Variants in USP28 observed in about 807,000 individuals in gnomAD.
USP28 encodes ubiquitin specific peptidase 28, also known as ubiquitin carboxyl-terminal hydrolase 28.
In USP28, 113 loss-of-function variants were observed where a neutral mutation model predicts 145.0. The ratio of observed to expected loss-of-function variants is 0.78; its 90% CI spans 0.67 to 0.91. The LOEUF (loss-of-function observed/expected upper bound fraction) is 0.91, where lower values mean the gene tolerates loss of function less well. Among genes scored for constraint, USP28 ranks in the 40% least tolerant of loss-of-function variants. USP28 has a pLI of 0.00. For synonymous variants in USP28, 447 were observed against 450.9 expected (o/e 0.99, Z 0.11); for missense variants, 1,201 against 1,289.6 (o/e 0.93, Z 1.05).
At chr11:113,818,006 C>T (rs1942011479) in intron 12 of USP28, 169 bp from the exon 13 acceptor site, 5 of 564,426 alleles carry the variant, frequency 8.9e-6, no homozygotes, top group Non-Finnish European at 1.4e-5. Context: ...AATTCTCTAA[C>T]TACAAAACTA....
At chr11:113,813,801 G>C in intron 15 of USP28, 84 bp downstream of exon 15, 2 of 1,062,574 alleles carry the variant, frequency 1.9e-6, no homozygotes, top group Non-Finnish European at 2.9e-6. Context: ...TTCCCATTGG[G>C]TTTAAAAGAA....
intron 12 of USP28, among the ~76,000 whole-genome samples, chr11:113,818,692 T>C (rs1161594613): frequency 6.6e-6 from 1 of 151,794 alleles, no homozygotes; most frequent in Non-Finnish European, 1.5e-5. Flanking sequence ...AAACCCTGTC[T>C]CCACAAAAAA....
At chr11:113,803,343 C>T in intron 22 of USP28, 62 bp from the exon 24 acceptor site, 1 of 1,493,352 alleles carries the variant, frequency 6.7e-7, no homozygotes. Context: ...AGGGCTTAGA[C>T]CTCACTTTTC....
chr11:113,863,507 T>G (rs1947922224), intron 1 of USP28, among the ~76,000 whole-genome samples: 1 of 151,690 alleles, frequency 6.6e-6, no homozygotes, highest in Non-Finnish European at 1.5e-5. Context: ...TAGTCGGGTG[T>G]GGTGGCGCGT....
chr11:113,811,442 C>T (rs1940965801), intron 16 of USP28, among the ~76,000 whole-genome samples: 1 of 152,216 alleles, frequency 6.6e-6, no homozygotes, highest in African/African-American at 2.4e-5. Flanking sequence ...AATCCCAGCA[C>T]TTTGAGAGGC....
At chr11:113,797,992 C>G (rs1230154626) in exon 25 of USP28, 1 of 150,658 alleles carries the variant, frequency 6.6e-6, no homozygotes, top group African/African-American at 2.5e-5. Flanking sequence ...CAATCAGAAG[C>G]CTTTTAAAAA....
intron 10 of USP28, chr11:113,828,778 C>A: frequency 5.9e-5 from 18 of 306,302 alleles, no homozygotes; most frequent in South Asian, 1.1e-4. Context: ...ATGTTAAAAG[C>A]AAAGGCAGAA....
chr11:113,825,931 C>T (rs7111825), intron 11 of USP28, among the ~76,000 whole-genome samples: 111,807 of 152,018 alleles, frequency 0.74, 41,826 homozygotes, highest in Non-Finnish European at 0.81. Context: ...TTTGACTGTA[C>T]ATTTGTCAGA....
At chr11:113,826,925 A>G (rs1428368519) in intron 11 of USP28, among the ~76,000 whole-genome samples, 1 of 151,820 alleles carries the variant, frequency 6.6e-6, no homozygotes, top group African/African-American at 2.4e-5. Flanking sequence ...GTCTCAAAAA[A>G]AAAAAAAAAC....
In USP28 at chr11:113,865,088, G is replaced by A. The variant is rs761082379; in HGVS notation, c.57+10357C>T. 2.6e-5 allele frequency among the ~76,000 whole-genome samples: 4 copies of A among 152,072 alleles called. No homozygotes were observed. The East Asian group carries it at 7.7e-4, about 29-fold the overall frequency. ...CTCCTGAGGTCAAGCAATCCCCCCC[G>A]TCTCGGCCTCTTCCCAAAGTGATTA... On this transcript the variant is annotated intron_variant, in intron 1 of 24. Transcript: ENST00000003302.
intron 1 of USP28, among the ~76,000 whole-genome samples, chr11:113,854,616 G>A (rs969674639): frequency 1.3e-5 from 2 of 152,282 alleles, no homozygotes; most frequent in African/African-American, 2.4e-5. Context: ...TGGTCAGGCT[G>A]GTCTTGATCT....
intron 14 of USP28, among the ~76,000 whole-genome samples, chr11:113,814,168 A>G (rs1389853782): frequency 6.6e-6 from 1 of 152,204 alleles, no homozygotes; most frequent in Non-Finnish European, 1.5e-5. Flanking sequence ...TTAAAACATT[A>G]TTTTTTATAA....
At chr11:113,826,537 G>A (rs191506459) in intron 11 of USP28, among the ~76,000 whole-genome samples, 181 of 151,232 alleles carry the variant, frequency 1.2e-3, no homozygotes, top group African/African-American at 3.9e-3. Flanking sequence ...AAACTCCTGC[G>A]CTCAAGATAT....
Position 113,800,051 on chromosome 11 carries a change from G to T in USP28, c.3059-636C>A, listed in dbSNP as rs1016353497. ...GACGGAGTCTCACTCTGTCGCCCAG[G>T]CTGGAGTGCAGTGGCGCCATCTTTG... On this transcript the variant is annotated intron_variant, in intron 24 of 24. Transcript: ENST00000003302. 7.9e-5 allele frequency among the ~76,000 whole-genome samples: 12 copies of T among 152,082 alleles called. No homozygotes were observed. The South Asian group carries it at 2.1e-3, about 26-fold the overall frequency.
At chr11:113,808,989 AGG>A (rs1940508906) in intron 17 of USP28, 72 bp downstream of exon 17, 2 of 1,441,174 alleles carry the variant, frequency 1.4e-6, no homozygotes, top group Non-Finnish European at 1.9e-6. Flanking sequence ...AGCCAGCTGA[AGG>A]GTATAGGGCT....
chr11:113,832,951 G>A (rs1426309250), intron 7 of USP28, among the ~76,000 whole-genome samples: 1 of 152,098 alleles, frequency 6.6e-6, no homozygotes, highest in Middle Eastern at 3.2e-3. Flanking sequence ...TTAATAGGAG[G>A]TAGGGAAGGG....
intron 13 of USP28, among the ~76,000 whole-genome samples, chr11:113,817,291 T>C (rs1378009110): frequency 1.3e-5 from 2 of 152,234 alleles, no homozygotes; most frequent in South Asian, 2.1e-4. Context: ...TTCTTAGTCA[T>C]GCATACTTCA....
intron 2 of USP28, 38 bp from the exon 3 acceptor site, chr11:113,852,671 T>C (rs1946605527): frequency 6.2e-7 from 1 of 1,608,562 alleles, no homozygotes; most frequent in Non-Finnish European, 8.5e-7. Flanking sequence ...TCAAAAGTAA[T>C]CATAGAATTT....
chr11:113,864,566 G>C (rs1256322876), intron 1 of USP28, among the ~76,000 whole-genome samples: 2 of 152,146 alleles, frequency 1.3e-5, no homozygotes, highest in Non-Finnish European at 2.9e-5. Context: ...CAAAAGAGCT[G>C]ATGGTTGTCT....
Sources: allele counts gnomAD v4.1 joint callset (sites outside exome capture counted in the v4.1 genomes callset), GRCh38; gene constraint gnomAD v4.1.1; transcripts MANE v1.5; gene names NCBI Gene and HGNC (gene_info 2026-07-23, HGNC 2026-07-21).